TMIGD2: variants seen among roughly 807,000 people sequenced by gnomAD.
TMIGD2 encodes transmembrane and immunoglobulin domain-containing protein 2.
Under a neutral mutation model 22.6 loss-of-function variants are expected in TMIGD2, and 18 were observed. The ratio of observed to expected loss-of-function variants is 0.80; its 90% CI spans 0.55 to 1.18. The LOEUF is 1.18. TMIGD2 is among the 50% of genes most tolerant of loss of function. The pLI, the probability that TMIGD2 is intolerant of heterozygous loss-of-function variation, is 0.00. For synonymous variants in TMIGD2, 184 were observed against 154.1 expected (o/e 1.19, Z -1.44); for missense variants, 361 against 378.2 (o/e 0.95, Z 0.38).
In TMIGD2 at chr19:4,300,167, A is replaced by G. The variant is rs537099065; in HGVS notation, c.47-1822T>C. On this transcript the variant is annotated intron_variant, in intron 1 of 4. Transcript: ENST00000301272. ...TCCCAGCTACTTGGGAGGCTGAGGC[A>G]GGAGAATCGCTTGAACCCGGGAGGT... 2.9e-3 allele frequency among the ~76,000 whole-genome samples: 429 copies of G among 149,902 alleles called. 3 individuals carry two copies. Among genetic ancestry groups the G allele is most frequent in the African/African-American group, 9.9e-3 (403 of 40,526 alleles).
At chr19:4,300,728 C>A in intron 1 of TMIGD2, among the ~76,000 whole-genome samples, 1 of 152,154 alleles carries the variant, frequency 6.6e-6, no homozygotes, top group Non-Finnish European at 1.5e-5. Context: ...GCATTCCAGG[C>A]AGTGCACAGC....
intron 1 of TMIGD2, among the ~76,000 whole-genome samples, chr19:4,299,446 C>CG (rs1971506340): frequency 6.9e-6 from 1 of 145,164 alleles, no homozygotes; most frequent in Non-Finnish European, 1.5e-5. Context: ...TGTGACCGGC[C>CG]TTTTTTTTTT....
chr19:4,301,552 C>A (rs1302317520), intron 1 of TMIGD2, among the ~76,000 whole-genome samples: 1 of 152,154 alleles, frequency 6.6e-6, no homozygotes, highest in African/African-American at 2.4e-5. Context: ...CGCCTGCAGT[C>A]CCAGCTACTC....
At position 4,297,986 on chromosome 19, in the gene TMIGD2, CT is replaced by C. The variant is rs1187807991; in HGVS notation, c.405del (p.Asp136MetfsTer160). The stretch of plus-strand genomic sequence containing the variant: ...TCCCTCTCCCCGCTGGCTCCCGTAC[CT>C]GGGTCCACAAAGAGCCTTGTTATGT... On this transcript the variant is annotated frameshift_variant and splice_region_variant, in exon 2 of 5. Transcript: ENST00000301272. LOFTEE classifies it high-confidence loss of function. 6.3e-7 allele frequency: 1 copy of C among 1,577,124 alleles called. No individual in the cohort carries two copies.
chr19:4,294,622 ACCCCACACGATCGCAG>A lies in TMIGD2; in HGVS notation c.491_506del (p.Ala164ValfsTer127). On this transcript the variant is annotated frameshift_variant, in exon 4 of 5. Transcript: ENST00000301272. LOFTEE classifies it high-confidence loss of function. ...AGCTGCGGCGGCCCCAGAACCAGGC[ACCCCACACGATCGCAG>A]CCACACCCATGCTTCCCACCCCCAG... The A allele has an allele frequency of 1.2e-6, 2 of 1,608,944 alleles. No homozygotes were observed. The highest frequency in any genetic ancestry group is 1.7e-6 in the Non-Finnish European group (2 of 1,177,672).
chr19:4,294,876 G>A, intron 2 of TMIGD2, 60 bp from the exon 3 acceptor site: 3 of 1,479,908 alleles, frequency 2.0e-6, no homozygotes, highest in East Asian at 2.5e-5. Context: ...CAAGGACAGA[G>A]CTCACTTGGG....
chr19:4,295,259 TC>T (rs1971446658), intron 2 of TMIGD2, among the ~76,000 whole-genome samples: 1 of 26,876 alleles, frequency 3.7e-5, no homozygotes, highest in Non-Finnish European at 6.6e-5. Context: ...AGACTCTGCC[TC>T]AAAAAAAAAA....
intron 1 of TMIGD2, among the ~76,000 whole-genome samples, chr19:4,302,089 C>T (rs79365995): frequency 0.01 from 1,562 of 152,194 alleles, 27 homozygotes; most frequent in African/African-American, 0.035. Flanking sequence ...AGCAAAGGCA[C>T]TGCGGAGGGT....
At chr19:4,302,306 G>T in intron 1 of TMIGD2, 34 bp downstream of exon 1, 4 of 1,550,780 alleles carry the variant, frequency 2.6e-6, no homozygotes, top group Non-Finnish European at 3.5e-6. Context: ...CAGCAAGAGT[G>T]GGGTTCAGAG....
At position 4,299,556 on chromosome 19, in the gene TMIGD2, G is replaced by A. The variant is rs571507250; in HGVS notation, c.47-1211C>T. Among the ~76,000 whole-genome samples the A allele has an allele frequency of 8.3e-4, 126 of 151,358 alleles. 1 individual carries two copies. The highest frequency in any genetic ancestry group is 3.4e-3 in the Middle Eastern group (1 of 290). ...CTCACTCTGTTGCCCAGTCTGGAGC[G>A]CAGTGGCACCATCAAAGTTCATTGC... On this transcript the variant is annotated intron_variant, in intron 1 of 4. Transcript: ENST00000301272.
chr19:4,296,548 T>C (rs1191558729), intron 2 of TMIGD2, among the ~76,000 whole-genome samples: 5 of 152,054 alleles, frequency 3.3e-5, no homozygotes, highest in Non-Finnish European at 7.4e-5. Flanking sequence ...CTGTGTGGGG[T>C]TGGACCCGCG....
At chr19:4,293,769 T>C (rs977244169) in intron 4 of TMIGD2, among the ~76,000 whole-genome samples, 1 of 150,608 alleles carries the variant, frequency 6.6e-6, no homozygotes, top group Non-Finnish European at 1.5e-5. Flanking sequence ...GCTAATTTTT[T>C]TGTTGTTGTT....
At chr19:4,301,478 C>A (rs7253766) in intron 1 of TMIGD2, among the ~76,000 whole-genome samples, 55,884 of 152,024 alleles carry the variant, frequency 0.37, 10,661 homozygotes, top group South Asian at 0.5. Flanking sequence ...ACCCACCTGG[C>A]CGAGATGGCG....
At chr19:4,294,676 G>A in exon 4 of TMIGD2, 5 of 1,590,504 alleles carry the variant, frequency 3.1e-6, no homozygotes, top group Non-Finnish European at 4.3e-6. Context: ...GCACGAAGAG[G>A]AATCCTGGGT....
chr19:4,296,028 C>T (rs1971457667), intron 2 of TMIGD2, among the ~76,000 whole-genome samples: 1 of 152,146 alleles, frequency 6.6e-6, no homozygotes, highest in South Asian at 2.1e-4. Flanking sequence ...AAGTGATCCT[C>T]CCGCCTCAAC....
At position 4,298,417 on chromosome 19, in the gene TMIGD2, G is replaced by C. The variant is rs765569661; in HGVS notation, c.47-72C>G. 386 of 1,484,566 alleles carry C rather than the reference G, an allele frequency of 2.6e-4. 1 individual carries two copies. The Middle Eastern group carries it at 3.8e-3, about 14-fold the overall frequency. The allele number at this position is 1,484,566 out of a possible 1,614,324, so 92.0% of individuals were successfully genotyped here. On this transcript the variant is annotated intron_variant, in intron 1 of 4. Coordinates refer to ENST00000301272, the Ensembl canonical transcript of TMIGD2. ...TGAGGCTGTGTGACTCACTCCCCTA[G>C]TGAGCCCGCAGTCTGGGTTTGAAAC...
In TMIGD2 at chr19:4,294,496, G is replaced by A. The variant is rs1049955313; in HGVS notation, c.562+71C>T. ...TCCCTCCTCCATCCTTCCCCCAGGC[G>A]GGAGCACAGATGCAGTGGGTCTTTG... is the stretch of plus-strand genomic sequence containing the variant. On this transcript the variant is annotated intron_variant, in intron 4 of 4. Transcript: ENST00000301272. The A allele has an allele frequency of 5.1e-5, 67 of 1,319,104 alleles. No homozygotes were observed. In the Admixed American group the frequency reaches 8.9e-4, roughly 17 times the overall value. 81.7% of individuals were successfully genotyped at this position (1,319,104 alleles called of 1,614,324 possible).
At chr19:4,299,886 A>G (rs902332711) in intron 1 of TMIGD2, among the ~76,000 whole-genome samples, 5 of 146,254 alleles carry the variant, frequency 3.4e-5, no homozygotes, top group Non-Finnish European at 6.0e-5. Flanking sequence ...ACTCCATAGC[A>G]AAGAAAAAAA....
chr19:4,294,472 C>T, intron 4 of TMIGD2, 107 bp downstream of exon 4: 1 of 1,060,404 alleles, frequency 9.4e-7, no homozygotes, highest in Non-Finnish European at 1.4e-6. Flanking sequence ...CTCCCTTCAT[C>T]CCTCCTCCAT....
Sources: gnomAD v4.1 joint callset for allele counts (sites outside exome capture counted in the v4.1 genomes callset) on GRCh38, gnomAD v4.1.1 for gene constraint, MANE v1.5 for transcripts, NCBI Gene and HGNC (gene_info 2026-07-23, HGNC 2026-07-21) for gene names.